TMEM132D: variants seen among roughly 807,000 people sequenced by gnomAD.
TMEM132D encodes the protein transmembrane protein 132D, also known as mature OL transmembrane protein.
In TMEM132D, 21 loss-of-function variants were observed where a neutral mutation model predicts 62.3. The observed-to-expected ratio is 0.34, with a 90% CI of 0.24 to 0.49. TMEM132D has a LOEUF of 0.49. TMEM132D is among the 20% of genes least tolerant of loss of function. The probability of loss-of-function intolerance (pLI) is 0.99; values close to 1 mark genes in which losing one functional copy is unlikely to be tolerated. For synonymous variants in TMEM132D, 621 were observed against 575.6 expected (o/e 1.08, Z -1.13); for missense variants, 1,346 against 1,402.8 (o/e 0.96, Z 0.65).
At chr12:129,171,893 G>A (rs965679720) in intron 5 of TMEM132D, among the ~76,000 whole-genome samples, 3 of 152,164 alleles carry the variant, frequency 2.0e-5, no homozygotes, top group African/African-American at 7.2e-5. Flanking sequence ...AGGATTTGGG[G>A]AATGCTAAAT....
chr12:129,244,490 C>T (rs953472280), intron 4 of TMEM132D, among the ~76,000 whole-genome samples: 8 of 149,492 alleles, frequency 5.4e-5, no homozygotes, highest in Non-Finnish European at 8.9e-5. Flanking sequence ...ACAATGCTTA[C>T]GCTATGGCTA....
At chr12:129,895,294 A>G (rs543811334) in intron 1 of TMEM132D, among the ~76,000 whole-genome samples, 1 of 152,312 alleles carries the variant, frequency 6.6e-6, no homozygotes, top group East Asian at 1.9e-4. Context: ...ACGTTACTGA[A>G]ATCTCTATCT....
At chr12:129,694,495 C>A (rs1881147481) in intron 2 of TMEM132D, among the ~76,000 whole-genome samples, 1 of 152,180 alleles carries the variant, frequency 6.6e-6, no homozygotes, top group Non-Finnish European at 1.5e-5. Context: ...GAACTGCAAC[C>A]TAGCTTAATA....
chr12:129,751,369 C>G (rs941090635), intron 1 of TMEM132D, among the ~76,000 whole-genome samples: 1 of 152,200 alleles, frequency 6.6e-6, no homozygotes, highest in Non-Finnish European at 1.5e-5. Context: ...ATTAAGAGAA[C>G]AGCAAGGGGT....
chr12:129,638,512 AATATATATAAAT>A (rs1252979799), intron 2 of TMEM132D, among the ~76,000 whole-genome samples: 3 of 45,532 alleles, frequency 6.6e-5, no homozygotes, highest in Non-Finnish European at 1.0e-4. Flanking sequence ...AACATATATA[AATATATATAAAT>A]ATATAAACAT....
chr12:129,525,090 T>C (rs1256785661), intron 3 of TMEM132D, among the ~76,000 whole-genome samples: 1 of 149,988 alleles, frequency 6.7e-6, no homozygotes, highest in Non-Finnish European at 1.5e-5. Flanking sequence ...CACACTCAGC[T>C]AATTTATTTG....
At position 129,310,673 on chromosome 12, in the gene TMEM132D, G is replaced by C. The variant is rs369692962; in HGVS notation, c.1299+26961C>G. On this transcript the variant is annotated intron_variant, in intron 4 of 8. Coordinates refer to ENST00000422113, the MANE Select transcript of TMEM132D (RefSeq NM_133448.3). Reference sequence around the variant, plus strand: ...AAGAAACTCAGTACATCCGGTAAAAGGAAGGCTTGAAGAACATGGTATAAA... The same window carrying C: ...AAGAAACTCAGTACATCCGGTAAAACGAAGGCTTGAAGAACATGGTATAAA... Among the ~76,000 whole-genome samples, 46 of 152,300 alleles carry C rather than the reference G, an allele frequency of 3.0e-4. No homozygotes were observed. In the South Asian group the frequency reaches 8.9e-3, roughly 30 times the overall value.
chr12:129,240,410 C>T (rs899908903), intron 4 of TMEM132D, among the ~76,000 whole-genome samples: 3 of 152,150 alleles, frequency 2.0e-5, no homozygotes, highest in East Asian at 1.9e-4. Flanking sequence ...ATATTAAAGG[C>T]AGGCTGACGT....
chr12:129,135,844 A>G (rs1876542066), intron 5 of TMEM132D, among the ~76,000 whole-genome samples: 1 of 151,984 alleles, frequency 6.6e-6, no homozygotes, highest in Non-Finnish European at 1.5e-5. Context: ...TTCATTTCAC[A>G]TGGTATTCTC....
chr12:129,283,412 G>A (rs1467091230), intron 4 of TMEM132D, among the ~76,000 whole-genome samples: 4 of 152,134 alleles, frequency 2.6e-5, no homozygotes, highest in East Asian at 1.9e-4. Context: ...GGCTGGTCTC[G>A]AACGCCTGAC....
At chr12:129,187,062 T>C (rs1280671684) in intron 5 of TMEM132D, among the ~76,000 whole-genome samples, 3 of 152,212 alleles carry the variant, frequency 2.0e-5, no homozygotes, top group Non-Finnish European at 4.4e-5. Context: ...CAAGAGTATC[T>C]GTGTTCTACT....
intron 3 of TMEM132D, among the ~76,000 whole-genome samples, chr12:129,428,343 C>T (rs1872556608): frequency 6.6e-6 from 1 of 152,140 alleles, no homozygotes; most frequent in African/African-American, 2.4e-5. Flanking sequence ...ACACCAACAA[C>T]AGTAGTAACA....
intron 3 of TMEM132D, among the ~76,000 whole-genome samples, chr12:129,505,403 C>G (rs555654292): frequency 6.6e-6 from 1 of 152,120 alleles, no homozygotes; most frequent in African/African-American, 2.4e-5. Flanking sequence ...CCACCATGCC[C>G]GGCTAATTTT....
At chr12:129,150,885 AC>A (rs905304404) in intron 5 of TMEM132D, among the ~76,000 whole-genome samples, 1 of 152,144 alleles carries the variant, frequency 6.6e-6, no homozygotes, top group African/African-American at 2.4e-5. Flanking sequence ...CCCTGGGCTC[AC>A]CCTGTCTCCT....
chr12:129,132,379 C>T (rs906998017), intron 5 of TMEM132D, among the ~76,000 whole-genome samples: 1 of 152,138 alleles, frequency 6.6e-6, no homozygotes, highest in Non-Finnish European at 1.5e-5. Flanking sequence ...GCAACAATTT[C>T]TATTTCAAAG....
At chr12:129,401,496 G>T (rs1490542205) in intron 3 of TMEM132D, among the ~76,000 whole-genome samples, 1 of 152,166 alleles carries the variant, frequency 6.6e-6, no homozygotes, top group East Asian at 1.9e-4. Context: ...TTGAGCCTGG[G>T]AGGTGGAGGC....
intron 2 of TMEM132D, among the ~76,000 whole-genome samples, chr12:129,599,341 C>A (rs1466289190): frequency 2.0e-5 from 3 of 152,136 alleles, no homozygotes; most frequent in African/African-American, 7.2e-5. Flanking sequence ...TGTTTATAAT[C>A]AGACAAAAGA....
Position 129,392,300 on chromosome 12 carries a change from C to T in TMEM132D, c.1116-54483G>A, listed in dbSNP as rs559797032. ...TCAAACTCCTGACCTCAGGGCGATC[C>T]GCCCACCTCAGCCTCCCAAAGTGCT... On this transcript the variant is annotated intron_variant, in intron 3 of 8. Transcript: ENST00000422113. 8.6e-5 allele frequency among the ~76,000 whole-genome samples: 13 copies of T among 151,634 alleles called. No individual in the cohort carries two copies. In the South Asian group the frequency reaches 2.3e-3, roughly 27 times the overall value.
chr12:129,134,138 G>C (rs867287042), intron 5 of TMEM132D, among the ~76,000 whole-genome samples: 41 of 146,600 alleles, frequency 2.8e-4, no homozygotes, highest in African/African-American at 7.6e-4. Flanking sequence ...GTGTGTCTGT[G>C]TGTGTGTGTC....
Sources: gnomAD v4.1 joint callset for allele counts (sites outside exome capture counted in the v4.1 genomes callset) on GRCh38, gnomAD v4.1.1 for gene constraint, MANE v1.5 for transcripts, NCBI Gene and HGNC (gene_info 2026-07-23, HGNC 2026-07-21) for gene names.